The following KAT6B variants were observed in gnomAD, a reference collection of about 807,000 sequenced individuals.
The protein encoded by KAT6B is histone acetyltransferase KAT6B.
In KAT6B, 10 loss-of-function variants were observed where a neutral mutation model predicts 187.5. That is an observed-to-expected ratio of 0.05 (90% CI 0.03 to 0.09). The LOEUF is 0.09. KAT6B is among the 10% of genes least tolerant of loss of function. The pLI is 1.00. For missense variants in KAT6B, 1,952 were observed against 2,558.9 expected (o/e 0.76, Z 5.12); for synonymous variants, 861 against 926.8 (o/e 0.93, Z 1.29).
chr10:75,018,663 TG>T (rs912667364), intron 13 of KAT6B, among the ~76,000 whole-genome samples: 1 of 151,912 alleles, frequency 6.6e-6, no homozygotes, highest in Admixed American at 6.6e-5. Flanking sequence ...ACATAAGGTA[TG>T]GGGGGGCACA....
chr10:75,018,883 C>T (rs951577412), intron 13 of KAT6B, among the ~76,000 whole-genome samples: 2 of 152,140 alleles, frequency 1.3e-5, no homozygotes, highest in Non-Finnish European at 2.9e-5. Context: ...TTCTCACCCC[C>T]CCAGGAGTAC....
chr10:74,849,760 A>G (rs116733624), intron 3 of KAT6B, among the ~76,000 whole-genome samples: 15 of 152,332 alleles, frequency 9.8e-5, no homozygotes, highest in African/African-American at 3.6e-4. Flanking sequence ...ACTTGTCACA[A>G]TAACTGCAAG....
chr10:74,844,274 C>G (rs188960123), intron 3 of KAT6B, among the ~76,000 whole-genome samples: 3 of 152,246 alleles, frequency 2.0e-5, no homozygotes, highest in African/African-American at 4.8e-5. Flanking sequence ...TCTCGGCTCA[C>G]TGCAACCTCT....
chr10:74,951,133 A>G (rs1840291214), intron 3 of KAT6B, among the ~76,000 whole-genome samples: 2 of 143,290 alleles, frequency 1.4e-5, no homozygotes, highest in African/African-American at 2.6e-5. Flanking sequence ...TTAATTTTTA[A>G]TTTTTGTTTC....
chr10:74,890,261 T>A (rs966488227), intron 3 of KAT6B, among the ~76,000 whole-genome samples: 2 of 152,148 alleles, frequency 1.3e-5, no homozygotes, highest in Non-Finnish European at 2.9e-5. Flanking sequence ...AGTCTTGAAC[T>A]CCTGACCTCA....
At chr10:74,873,062 A>T (rs1194948386) in intron 3 of KAT6B, among the ~76,000 whole-genome samples, 8 of 152,204 alleles carry the variant, frequency 5.3e-5, no homozygotes, top group Non-Finnish European at 1.2e-4. Context: ...TTCTCAAATG[A>T]TTCACAAAAG....
intron 3 of KAT6B, among the ~76,000 whole-genome samples, chr10:74,941,489 G>A (rs1423112473): frequency 2.0e-5 from 3 of 152,156 alleles, no homozygotes; most frequent in African/African-American, 4.8e-5. Context: ...AATGGGAGAG[G>A]AGATAGCATT....
At chr10:74,914,125 G>C (rs769601017) in intron 3 of KAT6B, among the ~76,000 whole-genome samples, 4 of 151,858 alleles carry the variant, frequency 2.6e-5, no homozygotes, top group African/African-American at 4.8e-5. Context: ...GGCAGACATT[G>C]CAGTGGGCTG....
chr10:74,891,526 A>G (rs1845644402), intron 3 of KAT6B, among the ~76,000 whole-genome samples: 1 of 152,260 alleles, frequency 6.6e-6, no homozygotes. Flanking sequence ...GTGTCACAAC[A>G]TGTATTATTT....
At chr10:74,941,166 C>T (rs1849642384) in intron 3 of KAT6B, among the ~76,000 whole-genome samples, 1 of 152,182 alleles carries the variant, frequency 6.6e-6, no homozygotes, top group Non-Finnish European at 1.5e-5. Context: ...GTTATCTGTG[C>T]ACCCGCACCC....
chr10:75,031,169 C>A lies in KAT6B; in HGVS notation c.*123C>A. 8 of 1,073,938 alleles carry A rather than the reference C, an allele frequency of 7.4e-6. No homozygotes were observed. Among genetic ancestry groups the A allele is most frequent in the South Asian group, 1.5e-5 (1 of 68,346 alleles). 66.5% of individuals were successfully genotyped at this position (1,073,938 alleles called of 1,614,324 possible). On this transcript the variant is annotated 3_prime_UTR_variant, in exon 18 of 18. Transcript: ENST00000287239. ...TGAATGCAAAAACATTTGTTGGCAC[C>A]ATTTATTTAAAAAAAAAAAAAGCTG... is the stretch of plus-strand genomic sequence containing the variant.
chr10:74,911,417 C>T (rs998156719), intron 3 of KAT6B, among the ~76,000 whole-genome samples: 2 of 152,012 alleles, frequency 1.3e-5, no homozygotes, highest in African/African-American at 4.8e-5. Flanking sequence ...TAGTTGCCCA[C>T]CACCATGCCT....
rs894867553 is a variant in KAT6B, at chr10:74,843,579, A to G, written c.621+101A>G. 10 of 1,424,828 alleles carry G rather than the reference A, an allele frequency of 7.0e-6. No individual in the cohort carries two copies. The South Asian group carries it at 8.1e-5, about 12-fold the overall frequency. The allele number at this position is 1,424,828 out of a possible 1,614,324, so 88.3% of individuals were successfully genotyped here. A position where few individuals can be genotyped will look rare whatever the true frequency, so the allele number is the denominator to read the frequency against. Reference sequence around the variant, plus strand: ...GGACAAAAGTTCTGAATAAAGTTTGATAAAATTGAATGTTTTGCCTTAGAG... The same window carrying G: ...GGACAAAAGTTCTGAATAAAGTTTGGTAAAATTGAATGTTTTGCCTTAGAG... On this transcript the variant is annotated intron_variant, in intron 3 of 17. Coordinates refer to ENST00000287239, the MANE Select transcript of KAT6B (RefSeq NM_012330.4).
chr10:74,910,316 A>G (rs1326824537), intron 3 of KAT6B, among the ~76,000 whole-genome samples: 3 of 152,046 alleles, frequency 2.0e-5, no homozygotes, highest in South Asian at 2.1e-4. Flanking sequence ...AACTAAACTA[A>G]TATTTCTCTT....
Position 74,979,246 on chromosome 10 carries a change from T to C in KAT6B, c.2138T>C (p.Val713Ala). Residue 713 changes from valine (V) to alanine (A), a missense_variant, in exon 10 of 18, where the codon GTG becomes GCG. Val to Ala is a moderately conservative substitution (Grantham distance 64). Transcript: ENST00000287239. ...CAGAAAATAGAGTGTGAGAGTGGGG[T>C]GGAAGACTGTGGCCGGTACCCTTCT... ...SWEKIECESGVEDCGRYPSVI... is the reference protein window; with the variant it reads ...SWEKIECESGAEDCGRYPSVI... 1 of 1,612,922 alleles carries C rather than the reference T, an allele frequency of 6.2e-7. No individual in the cohort carries two copies. Among genetic ancestry groups the C allele is most frequent in the Non-Finnish European group, 8.5e-7 (1 of 1,178,996 alleles).
intron 12 of KAT6B, among the ~76,000 whole-genome samples, chr10:74,988,112 C>A (rs776715069): frequency 6.6e-6 from 1 of 152,180 alleles, no homozygotes; most frequent in Non-Finnish European, 1.5e-5. Flanking sequence ...CATTAAAGAT[C>A]TGGGTGTTCT....
intron 2 of KAT6B, among the ~76,000 whole-genome samples, chr10:74,841,895 A>G (rs1485179281): frequency 6.6e-6 from 1 of 152,232 alleles, no homozygotes; most frequent in East Asian, 1.9e-4. Context: ...AGCATCTCTC[A>G]GAACAAATGC....
At chr10:74,936,513 T>C (rs1250708899) in intron 3 of KAT6B, among the ~76,000 whole-genome samples, 1 of 152,224 alleles carries the variant, frequency 6.6e-6, no homozygotes, top group Admixed American at 6.5e-5. Context: ...TATTTATATT[T>C]GAAAATGTTG....
chr10:74,913,997 G>GCAA (rs1847446541), intron 3 of KAT6B, among the ~76,000 whole-genome samples: 1 of 152,038 alleles, frequency 6.6e-6, no homozygotes, highest in Non-Finnish European at 1.5e-5. Context: ...ACCAGCCTGG[G>GCAA]CAACATGGTG....
Sources: gnomAD v4.1 joint callset for allele counts (sites outside exome capture counted in the v4.1 genomes callset) on GRCh38, gnomAD v4.1.1 for gene constraint, MANE v1.5 for transcripts, NCBI Gene and HGNC (gene_info 2026-07-23, HGNC 2026-07-21) for gene names.